The following CTIF variants were observed in gnomAD, a reference collection of about 807,000 sequenced individuals.
The protein encoded by CTIF is cap binding complex dependent translation initiation factor, also known as CBP80/20-dependent translation initiation factor.
A neutral mutation model predicts 66.0 loss-of-function variants in CTIF; 21 were observed. That is an observed-to-expected ratio of 0.32 (90% confidence interval 0.23 to 0.46). The LOEUF is 0.46. CTIF is among the 20% of genes least tolerant of loss of function. CTIF has a pLI of 1.00. For missense variants in CTIF, 739 were observed against 812.7 expected, an observed-to-expected ratio of 0.91 and a Z score of 1.10; for synonymous variants, 345 against 326.4, an observed-to-expected ratio of 1.06 and a Z score of -0.62.
At chr18:48,796,519 C>T (rs1216860737) in intron 9 of CTIF, among the ~76,000 whole-genome samples, 2 of 152,098 alleles carry the variant, frequency 1.3e-5, no homozygotes, top group Non-Finnish European at 2.9e-5. Flanking sequence ...CATCATTCTG[C>T]ATGTTTATGG....
intron 6 of CTIF, among the ~76,000 whole-genome samples, chr18:48,698,832 C>T (rs1276035712): frequency 1.3e-5 from 2 of 152,156 alleles, no homozygotes; most frequent in Non-Finnish European, 2.9e-5. Flanking sequence ...TTTTTAGCTG[C>T]AGGCTGGGGA....
chr18:48,593,367 C>G (rs1189770761), intron 1 of CTIF, among the ~76,000 whole-genome samples: 1 of 151,758 alleles, frequency 6.6e-6, no homozygotes, highest in African/African-American at 2.4e-5. Flanking sequence ...TAATATGTAA[C>G]TAGAAATCTT....
At chr18:48,549,756 G>A (rs544118431) in intron 1 of CTIF, among the ~76,000 whole-genome samples, 4 of 152,314 alleles carry the variant, frequency 2.6e-5, no homozygotes, top group South Asian at 2.1e-4. Context: ...CAGTACCCAT[G>A]CCTCCGCTCC....
chr18:48,590,396 C>T (rs762041691), intron 1 of CTIF, among the ~76,000 whole-genome samples: 2 of 152,196 alleles, frequency 1.3e-5, no homozygotes, highest in African/African-American at 4.8e-5. Flanking sequence ...AACCAGGAGG[C>T]CTGTGGGAAA....
At chr18:48,725,183 C>G (rs188063242) in intron 7 of CTIF, among the ~76,000 whole-genome samples, 59 of 152,300 alleles carry the variant, frequency 3.9e-4, no homozygotes, top group African/African-American at 1.1e-3. Flanking sequence ...GAGCAGGAAG[C>G]TTGCTGCCTT....
chr18:48,589,587 A>G (rs1381469156), intron 1 of CTIF, among the ~76,000 whole-genome samples: 1 of 152,228 alleles, frequency 6.6e-6, no homozygotes, highest in African/African-American at 2.4e-5. Context: ...GAGCTAATGC[A>G]GTGTGGTCCA....
At chr18:48,751,389 A>T (rs143583207) in intron 7 of CTIF, among the ~76,000 whole-genome samples, 135 of 152,232 alleles carry the variant, frequency 8.9e-4, no homozygotes, top group African/African-American at 3.1e-3. Context: ...TTGTCCTGGG[A>T]TAAAGCTAGA....
At chr18:48,808,608 C>T (rs567791647) in intron 9 of CTIF, among the ~76,000 whole-genome samples, 38 of 151,388 alleles carry the variant, frequency 2.5e-4, no homozygotes, top group Non-Finnish European at 5.0e-4. Context: ...TTATTTTCCT[C>T]CTGATACTTA....
chr18:48,759,020 G>C (rs760789082), intron 8 of CTIF, among the ~76,000 whole-genome samples: 7 of 152,138 alleles, frequency 4.6e-5, no homozygotes, highest in Non-Finnish European at 8.8e-5. Flanking sequence ...GCATGAACCC[G>C]AGAGTGAGGC....
chr18:48,647,584 TAAAAA>T (rs1249020388), intron 3 of CTIF, among the ~76,000 whole-genome samples: 2 of 152,180 alleles, frequency 1.3e-5, no homozygotes, highest in Non-Finnish European at 2.9e-5. Context: ...CACCTAAAAA[TAAAAA>T]GTGTAATTTG....
intron 7 of CTIF, among the ~76,000 whole-genome samples, chr18:48,732,822 C>T (rs1255407581): frequency 6.6e-6 from 1 of 152,228 alleles, no homozygotes; most frequent in Non-Finnish European, 1.5e-5. Context: ...CAGCCAGGGT[C>T]TCCAATTTGT....
intron 3 of CTIF, among the ~76,000 whole-genome samples, chr18:48,639,404 A>T (rs2090885936): frequency 6.6e-6 from 1 of 152,132 alleles, no homozygotes; most frequent in South Asian, 2.1e-4. Flanking sequence ...GGTGTAAAAA[A>T]ATGCACCCTG....
chr18:48,686,464 G>A (rs1476655394), intron 6 of CTIF, among the ~76,000 whole-genome samples: 4 of 152,114 alleles, frequency 2.6e-5, no homozygotes, highest in Non-Finnish European at 5.9e-5. Flanking sequence ...AGGAGCCCTG[G>A]TACCTTTTAA....
At chr18:48,819,486 A>G (rs1048673869) in intron 10 of CTIF, among the ~76,000 whole-genome samples, 3 of 152,038 alleles carry the variant, frequency 2.0e-5, no homozygotes, top group African/African-American at 7.2e-5. Flanking sequence ...CTCCTCCGAG[A>G]GGGAGGCAAG....
intron 3 of CTIF, among the ~76,000 whole-genome samples, chr18:48,637,990 A>C (rs2090855147): frequency 6.6e-6 from 1 of 151,978 alleles, no homozygotes; most frequent in African/African-American, 2.4e-5. Context: ...CGGAGGTGCC[A>C]CTTGTCTGCC....
chr18:48,797,875 T>C (rs548561814), intron 9 of CTIF, among the ~76,000 whole-genome samples: 1 of 147,826 alleles, frequency 6.8e-6, no homozygotes, highest in East Asian at 1.9e-4. Flanking sequence ...CAAGCTCTGC[T>C]GGTACTCTGC....
intron 1 of CTIF, among the ~76,000 whole-genome samples, chr18:48,541,918 G>A (rs1481962012): frequency 2.6e-5 from 4 of 151,686 alleles, no homozygotes; most frequent in Non-Finnish European, 2.9e-5. Context: ...TTTTACGGAT[G>A]AACACACTGA....
At chr18:48,560,304 G>A (rs1174482862) in intron 1 of CTIF, among the ~76,000 whole-genome samples, 6 of 149,208 alleles carry the variant, frequency 4.0e-5, no homozygotes, top group Non-Finnish European at 7.4e-5. Context: ...TCGGCTCACT[G>A]CAAGCTCGCC....
At chr18:48,855,096 G>C (rs79274185) in intron 10 of CTIF, among the ~76,000 whole-genome samples, 10 of 152,212 alleles carry the variant, frequency 6.6e-5, no homozygotes, top group South Asian at 4.1e-4. Flanking sequence ...TGGCGCAGGC[G>C]CTCGGCAGGT....
Sources: gnomAD v4.1 joint callset for allele counts (sites outside exome capture counted in the v4.1 genomes callset) on GRCh38, gnomAD v4.1.1 for gene constraint, MANE v1.5 for transcripts, NCBI Gene and HGNC (gene_info 2026-07-23, HGNC 2026-07-21) for gene names.